The following DDR2 variants were observed in gnomAD, a reference collection of about 807,000 sequenced individuals.
DDR2 encodes discoidin domain-containing receptor 2.
DDR2 carries 27 observed loss-of-function variants against 94.9 expected under a neutral mutation model. The ratio of observed to expected loss-of-function variants is 0.28; its 90% CI spans 0.21 to 0.39. DDR2 has a LOEUF of 0.39. Ranked by LOEUF, DDR2 falls within the 10% of genes least tolerant of loss-of-function variation. The probability of loss-of-function intolerance (pLI) is 1.00; values close to 1 mark genes in which losing one functional copy is unlikely to be tolerated. For synonymous variants in DDR2, 382 were observed against 377.2 expected, an observed-to-expected ratio of 1.01 and a Z score of -0.15; for missense variants, 783 against 1,076.0, an observed-to-expected ratio of 0.73 and a Z score of 3.81.
chr1:162,657,313 A>G (rs1219174467), intron 2 of DDR2, among the ~76,000 whole-genome samples: 2 of 152,156 alleles, frequency 1.3e-5, no homozygotes, highest in African/African-American at 4.8e-5. Context: ...CCTTCTGGTC[A>G]CCAATTCAGG....
chr1:162,656,336 G>A (rs1657961705), intron 2 of DDR2, among the ~76,000 whole-genome samples: 1 of 152,160 alleles, frequency 6.6e-6, no homozygotes. Context: ...TAAATAATGT[G>A]AATGATTATT....
At chr1:162,751,899 G>A (rs573084507) in intron 3 of DDR2, among the ~76,000 whole-genome samples, 39 of 152,234 alleles carry the variant, frequency 2.6e-4, no homozygotes, top group South Asian at 8.3e-4. Flanking sequence ...CGCAAGGACT[G>A]AAGGCCAAGC....
intron 11 of DDR2, among the ~76,000 whole-genome samples, chr1:162,770,008 C>T (rs1664185644): frequency 6.6e-6 from 1 of 152,104 alleles, no homozygotes; most frequent in Admixed American, 6.5e-5. Flanking sequence ...TCTTTGGCTA[C>T]TGATGGGTTC....
intron 16 of DDR2, among the ~76,000 whole-genome samples, chr1:162,778,199 C>G (rs1187512535): frequency 1.3e-5 from 2 of 152,194 alleles, no homozygotes; most frequent in Non-Finnish European, 1.5e-5. Context: ...GTCCTGGATT[C>G]ACTGCAGGCA....
intron 3 of DDR2, among the ~76,000 whole-genome samples, chr1:162,745,429 A>G (rs1287737392): frequency 6.6e-6 from 1 of 152,156 alleles, no homozygotes; most frequent in East Asian, 1.9e-4. Context: ...TTTTTCATGT[A>G]TCTTCTTCCA....
chr1:162,702,922 T>C (rs1660492797), intron 2 of DDR2, among the ~76,000 whole-genome samples: 1 of 152,234 alleles, frequency 6.6e-6, no homozygotes. Flanking sequence ...ACTCTCTCTC[T>C]CTCTCTGTGT....
intron 3 of DDR2, among the ~76,000 whole-genome samples, chr1:162,743,891 C>T (rs1662726164): frequency 6.6e-6 from 1 of 152,208 alleles, no homozygotes; most frequent in Non-Finnish European, 1.5e-5. Context: ...CCCCAGGAAA[C>T]AACTGATCTC....
At chr1:162,677,627 C>T (rs1211455619) in intron 2 of DDR2, among the ~76,000 whole-genome samples, 1 of 152,132 alleles carries the variant, frequency 6.6e-6, no homozygotes, top group African/African-American at 2.4e-5. Flanking sequence ...TCTACATTCC[C>T]CAGGTTGAGT....
At chr1:162,668,782 C>T (rs553467564) in intron 2 of DDR2, among the ~76,000 whole-genome samples, 1 of 152,278 alleles carries the variant, frequency 6.6e-6, no homozygotes. Flanking sequence ...CTAAGATTAC[C>T]TATGAATATA....
At chr1:162,729,061 A>C (rs1661864178) in intron 3 of DDR2, among the ~76,000 whole-genome samples, 2 of 151,646 alleles carry the variant, frequency 1.3e-5, no homozygotes, top group South Asian at 4.1e-4. Context: ...GGAAGAAAAG[A>C]AAATGAAAAT....
chr1:162,764,501 C>T (rs775278070), intron 9 of DDR2, among the ~76,000 whole-genome samples: 4 of 151,398 alleles, frequency 2.6e-5, no homozygotes, highest in Non-Finnish European at 5.9e-5. Context: ...AGGAATGAGA[C>T]TTGTACTGGG....
At position 162,692,084 on chromosome 1, in the gene DDR2, A is replaced by G. The variant is rs191401145; in HGVS notation, c.-27-26953A>G. On this transcript the variant is annotated intron_variant, in intron 2 of 17. Transcript: ENST00000367921. ...GTCTAGCCTCACCTTACCTGGCTGAACATTCTCCCACATTTACTGACACAA... is the reference window on the plus strand; with the variant it reads ...GTCTAGCCTCACCTTACCTGGCTGAGCATTCTCCCACATTTACTGACACAA... Among the ~76,000 whole-genome samples the G allele has an allele frequency of 7.6e-4, 116 of 152,300 alleles. 2 individuals carry two copies. The East Asian group carries it at 0.022, about 29-fold the overall frequency.
intron 7 of DDR2, among the ~76,000 whole-genome samples, chr1:162,759,530 A>G (rs572247010): frequency 1.7e-3 from 263 of 152,362 alleles, no homozygotes; most frequent in Non-Finnish European, 2.8e-3. Context: ...ATATTAAATA[A>G]GACATTGTTT....
rs977225065 is a variant in DDR2 at position 162,655,364 on chromosome 1, C to T, written c.-38C>T. 2 of 152,208 alleles carry T rather than the reference C, an allele frequency of 1.3e-5. No homozygotes were observed. The highest frequency in any genetic ancestry group is 6.5e-5 in the Admixed American group (1 of 15,272). 9.4% of individuals were successfully genotyped at this position (152,208 alleles called of 1,614,324 possible). On this transcript the variant is annotated 5_prime_UTR_variant, in exon 2 of 18. Transcript: ENST00000367921. ...ATCCTGCTCCACAGAGAATGCTCTG[C>T]ACCCGTTGATGTAAGTAGGTCCAGT...
At chr1:162,642,070 G>GC (rs920563005) in intron 1 of DDR2, among the ~76,000 whole-genome samples, 6 of 152,044 alleles carry the variant, frequency 3.9e-5, no homozygotes, top group African/African-American at 1.2e-4. Flanking sequence ...CCATCCTCCT[G>GC]CCTCAGCCTC....
intron 2 of DDR2, among the ~76,000 whole-genome samples, chr1:162,700,250 A>G (rs1187782658): frequency 6.6e-6 from 1 of 152,176 alleles, no homozygotes; most frequent in Middle Eastern, 3.2e-3. Context: ...TTCTACTGGC[A>G]ACACCATCTT....
intron 2 of DDR2, among the ~76,000 whole-genome samples, chr1:162,686,785 C>T (rs1161836183): frequency 1.3e-5 from 2 of 152,158 alleles, no homozygotes; most frequent in Non-Finnish European, 1.5e-5. Context: ...GCCATATTGG[C>T]CAGGCTGGTC....
intron 3 of DDR2, among the ~76,000 whole-genome samples, chr1:162,746,467 C>T (rs760661284): frequency 2.6e-5 from 4 of 152,186 alleles, no homozygotes; most frequent in African/African-American, 4.8e-5. Context: ...ACAAAGAAGC[C>T]GGGAAGGTCG....
intron 3 of DDR2, among the ~76,000 whole-genome samples, chr1:162,723,754 A>G (rs1661527801): frequency 6.6e-6 from 1 of 152,206 alleles, no homozygotes; most frequent in African/African-American, 2.4e-5. Context: ...TCCATGGTAT[A>G]AAGCTGAGGC....
Sources: gnomAD v4.1 joint callset for allele counts (sites outside exome capture counted in the v4.1 genomes callset) on GRCh38, gnomAD v4.1.1 for gene constraint, MANE v1.5 for transcripts, NCBI Gene and HGNC (gene_info 2026-07-23, HGNC 2026-07-21) for gene names.